NRTN: variants seen among roughly 807,000 people sequenced by gnomAD.
The protein encoded by NRTN is prepro-neurturin.
A neutral mutation model predicts 7.5 loss-of-function variants in NRTN; 3 were observed. That is an observed-to-expected ratio of 0.40 (90% CI 0.18 to 1.03). NRTN has a LOEUF of 1.03. Ranked by LOEUF, NRTN falls within the 50% of genes least tolerant of loss-of-function variation. NRTN has a pLI of 0.34. For synonymous variants in NRTN, 157 were observed against 146.6 expected (o/e 1.07, Z -0.51); for missense variants, 310 against 307.0 (o/e 1.01, Z -0.07).
At position 5,827,791 on chromosome 19, in the gene NRTN, G is replaced by A. The variant is rs1163804471; in HGVS notation, c.212G>A (p.Arg71His). Residue 71 changes from arginine (R) to histidine (H), a missense_variant, in exon 3 of 3, where the codon CGC (arginine) becomes CAC (histidine). Arg to His is a conservative substitution (Grantham distance 29). Coordinates refer to ENST00000303212, the MANE Select transcript of NRTN (RefSeq NM_004558.5). Reference protein sequence around the residue: ...LQGAPDAMELRELTPWAGRPP... With the variant: ...LQGAPDAMELHELTPWAGRPP... ...GGGGCCCCGGATGCGATGGAGCTGC[G>A]CGAGCTGACGCCCTGGGCTGGGCGG... 14 of 1,205,262 alleles carry A rather than the reference G, an allele frequency of 1.2e-5. No individual in the cohort carries two copies. The highest frequency in any genetic ancestry group is 1.4e-5 in the Non-Finnish European group (14 of 969,256). The allele number at this position is 1,205,262 out of a possible 1,614,324, so 74.7% of individuals were successfully genotyped here. A position where few individuals can be genotyped will look rare whatever the true frequency, so the allele number is the denominator to read the frequency against.
rs370008692 is a variant in NRTN, at chr19:5,823,723, C to T, written c.-398-45C>T. On this transcript the variant is annotated intron_variant, in intron 1 of 2. Transcript: ENST00000303212. ...GCCTTTGTCCCACACTGCCACCTGC[C>T]GGGAATGACCTCTCCTCCTTTCACT... 4.6e-5 allele frequency: 14 copies of T among 303,944 alleles called. 1 individual carries two copies. The highest frequency in any genetic ancestry group is 1.3e-4 in the South Asian group (4 of 31,236). 18.8% of individuals were successfully genotyped at this position (303,944 alleles called of 1,614,324 possible). A position where few individuals can be genotyped will look rare whatever the true frequency, so the allele number is the denominator to read the frequency against.
rs922794928 is a variant in NRTN at position 5,827,807 on chromosome 19, G to A, written c.228G>A (p.Trp76Ter). ...TGGAGCTGCGCGAGCTGACGCCCTGGGCTGGGCGGCCCCCAGGTCCGCGCC... is the reference window on the plus strand; with the variant it reads ...TGGAGCTGCGCGAGCTGACGCCCTGAGCTGGGCGGCCCCCAGGTCCGCGCC... ...DAMELRELTP[W>*]AGRPPGPRRR... is the part of the protein sequence containing the mutation. The change falls in exon 3 of 3, where the codon TGG becomes TGA. Residue 76 changes from tryptophan (W) to a stop codon, truncating the protein, a stop_gained. Coordinates refer to ENST00000303212, the MANE Select transcript of NRTN (RefSeq NM_004558.5). LOFTEE classifies it low-confidence loss of function (END_TRUNC). 1 of 1,182,264 alleles carries A rather than the reference G, an allele frequency of 8.5e-7. No individual in the cohort carries two copies. Among genetic ancestry groups the A allele is most frequent in the Non-Finnish European group, 1.0e-6 (1 of 956,302 alleles). The allele number at this position is 1,182,264 out of a possible 1,614,324, so 73.2% of individuals were successfully genotyped here. A position where few individuals can be genotyped will look rare whatever the true frequency, so the allele number is the denominator to read the frequency against.
intron 1 of NRTN, among the ~76,000 whole-genome samples, 196 bp downstream of exon 1, chr19:5,805,647 A>G (rs61027285): frequency 0.29 from 44,152 of 151,276 alleles, 7,850 homozygotes; most frequent in East Asian, 0.55. Flanking sequence ...CGGGGGCGTG[A>G]AGCCAGATCC....
chr19:5,823,194 A>G (rs776366680), intron 1 of NRTN, among the ~76,000 whole-genome samples: 13 of 152,232 alleles, frequency 8.5e-5, no homozygotes, highest in Non-Finnish European at 1.5e-4. Flanking sequence ...AGGTGGGCGG[A>G]TCACTTGAGT....
chr19:5,817,441 A>G (rs2057008422), intron 1 of NRTN, among the ~76,000 whole-genome samples: 1 of 100,920 alleles, frequency 9.9e-6, no homozygotes, highest in East Asian at 3.0e-4. Context: ...GAGAGAAAGG[A>G]AGGAAGGAAG....
In NRTN at chr19:5,823,919, G is replaced by A. The variant is rs910654646; in HGVS notation, c.-247G>A. ...TTATTCAAGTCTGGACCTTGTCATCGGCTCCTCAGGAAGGCACTCCGGGAC... is the reference window on the plus strand; with the variant it reads ...TTATTCAAGTCTGGACCTTGTCATCAGCTCCTCAGGAAGGCACTCCGGGAC... On this transcript the variant is annotated 5_prime_UTR_variant, in exon 2 of 3. Coordinates refer to ENST00000303212, the MANE Select transcript of NRTN (RefSeq NM_004558.5). The A allele has an allele frequency of 2.0e-5, 12 of 595,710 alleles. No homozygotes were observed. The highest frequency in any genetic ancestry group is 1.1e-4 in the African/African-American group (6 of 53,760). 36.9% of individuals were successfully genotyped at this position (595,710 alleles called of 1,614,324 possible).
In NRTN at chr19:5,828,238, C is replaced by G; in HGVS notation, c.*65C>G. On this transcript the variant is annotated 3_prime_UTR_variant, in exon 3 of 3. Coordinates refer to ENST00000303212, the MANE Select transcript of NRTN (RefSeq NM_004558.5). ...CCTCGACGGCACCACTGGCCGGCCC[C>G]GCGAAAGACTGCGCGTGCGTAGAGC... 3.3e-6 allele frequency: 5 copies of G among 1,497,546 alleles called. 1 individual carries two copies. In the South Asian group the frequency reaches 6.1e-5, roughly 18 times the overall value. The allele number at this position is 1,497,546 out of a possible 1,614,324, so 92.8% of individuals were successfully genotyped here.
intron 1 of NRTN, among the ~76,000 whole-genome samples, chr19:5,818,976 G>A (rs1396174050): frequency 1.3e-5 from 2 of 152,184 alleles, no homozygotes; most frequent in African/African-American, 4.8e-5. Flanking sequence ...AGGCCATGCT[G>A]GGGCTAGGCC....
intron 1 of NRTN, among the ~76,000 whole-genome samples, chr19:5,810,284 ATTTT>A (rs1555733911): frequency 6.8e-6 from 1 of 147,512 alleles, no homozygotes; most frequent in Non-Finnish European, 1.5e-5. Context: ...AAAAAAAAAA[ATTTT>A]TTTTTGTAAA....
chr19:5,824,288 C>A lies in NRTN; in HGVS notation c.123C>A (p.His41Gln). 6.2e-7 allele frequency: 1 copy of A among 1,609,366 alleles called. No individual in the cohort carries two copies. The highest frequency in any genetic ancestry group is 8.5e-7 in the Non-Finnish European group (1 of 1,179,040). ...HRLGPALVPL[H>Q]RLPRTLDARI... is the part of the protein sequence containing the mutation. Reference sequence around the variant, plus strand: ...TCGGACCTGCGCTGGTCCCCCTGCACCGCCTGCCTCGAACCCTGGACGCCC... The same window carrying A: ...TCGGACCTGCGCTGGTCCCCCTGCAACGCCTGCCTCGAACCCTGGACGCCC... The change falls in exon 2 of 3, where the codon CAC (histidine) becomes CAA (glutamine). Residue 41 changes from histidine to glutamine, a missense_variant. By Grantham distance (24) the His-to-Gln change is conservative (BLOSUM62 0). Transcript: ENST00000303212.
At position 5,810,286 on chromosome 19, in the gene NRTN, T is replaced by A. The variant is rs534342821; in HGVS notation, c.-399+4835T>A. On this transcript the variant is annotated intron_variant, in intron 1 of 2. Transcript: ENST00000303212. ...GTCTCAAAAAAAAAAAAAAAAAAAT[T>A]TTTTTTTGTAAAGACAGAGTCTTGC... is the stretch of plus-strand genomic sequence containing the variant. Among the ~76,000 whole-genome samples, 888 of 137,332 alleles carry A rather than the reference T, an allele frequency of 6.5e-3. 7 individuals are homozygous for A. Among genetic ancestry groups the A allele is most frequent in the African/African-American group, 0.023 (814 of 34,676 alleles). 90.1% of individuals were successfully genotyped at this position (137,332 alleles called of 152,430 possible).
chr19:5,806,675 G>A lies in NRTN; in HGVS notation c.-399+1224G>A, dbSNP rs898010. Among the ~76,000 whole-genome samples the A allele has an allele frequency of 0.31, 46,553 of 151,818 alleles. 9,953 individuals carry two copies. The highest frequency in any genetic ancestry group is 0.59 in the African/African-American group (24,599 of 41,352). ...TCCCGAGGTTCATAGCTCCGGCACC[G>A]ACTCCACCCCCAGGGAGCTACAGAA... On this transcript the variant is annotated intron_variant, in intron 1 of 2. Transcript: ENST00000303212. This position sits in a 1 kb window ranked among gnomAD's most constrained non-coding sequence, Gnocchi z 5.4.
Position 5,827,840 on chromosome 19 carries a change from GGGGC to G in NRTN, c.262_265del (p.Gly88ProfsTer24). The G allele has an allele frequency of 8.6e-7, 1 of 1,169,336 alleles. No individual in the cohort carries two copies. Among genetic ancestry groups the G allele is most frequent in the Non-Finnish European group, 1.1e-6 (1 of 951,416 alleles). The allele number at this position is 1,169,336 out of a possible 1,614,324, so 72.4% of individuals were successfully genotyped here. ...GGCCCCCAGGTCCGCGCCGTCGGGCGGGGCCCCGGCGGCGGCGCGCGCGTGCGCG... is the reference window on the plus strand; with the variant it reads ...GGCCCCCAGGTCCGCGCCGTCGGGCGCCCGGCGGCGGCGCGCGCGTGCGCG... On this transcript the variant is annotated frameshift_variant, in exon 3 of 3. Coordinates refer to ENST00000303212, the MANE Select transcript of NRTN (RefSeq NM_004558.5). LOFTEE classifies it low-confidence loss of function (END_TRUNC).
intron 2 of NRTN, among the ~76,000 whole-genome samples, chr19:5,825,359 G>T (rs990002419): frequency 2.6e-5 from 4 of 152,210 alleles, no homozygotes; most frequent in Non-Finnish European, 5.9e-5. Flanking sequence ...CATCTGAGGC[G>T]TGGATGCCGG....
intron 2 of NRTN, among the ~76,000 whole-genome samples, chr19:5,824,724 T>C (rs991645493): frequency 6.6e-6 from 1 of 152,146 alleles, no homozygotes; most frequent in Non-Finnish European, 1.5e-5. Context: ...CAAGGCTGCA[T>C]TGAGCTATGA....
chr19:5,827,708 C>G, intron 2 of NRTN, 41 bp from the exon 3 acceptor site: 13 of 576,704 alleles, frequency 2.3e-5, no homozygotes, highest in Non-Finnish European at 3.1e-5. Context: ...CCACCCCCTG[C>G]ACCCACTGAC....
At chr19:5,805,940 T>TCGC (rs71172773) in intron 1 of NRTN, among the ~76,000 whole-genome samples, 16,827 of 151,654 alleles carry the variant, frequency 0.11, 1,227 homozygotes, top group Non-Finnish European at 0.17. Flanking sequence ...CGTTCCCTGC[T>TCGC]CGCCGCCGCC....
chr19:5,818,829 G>A (rs1263613606), intron 1 of NRTN, among the ~76,000 whole-genome samples: 1 of 151,648 alleles, frequency 6.6e-6, no homozygotes, highest in Non-Finnish European at 1.5e-5. Flanking sequence ...AGAACAGAGA[G>A]GCCCATTGTT....
At chr19:5,817,627 AAGAAGGCAGGC>A (rs201393824) in intron 1 of NRTN, among the ~76,000 whole-genome samples, 36,474 of 127,056 alleles carry the variant, frequency 0.29, 4,626 homozygotes, top group South Asian at 0.36. Flanking sequence ...AAAGAAAAAG[AAGAAGGCAGGC>A]AGGCAGGCAG....
Sources: allele counts gnomAD v4.1 joint callset (sites outside exome capture counted in the v4.1 genomes callset), GRCh38; gene constraint gnomAD v4.1.1; non-coding constraint Gnocchi (gnomAD v3.1); transcripts MANE v1.5; gene names NCBI Gene and HGNC (gene_info 2026-07-23, HGNC 2026-07-21).